The following MACROD2 variants were observed in gnomAD, a reference collection of about 807,000 sequenced individuals.
MACROD2 encodes the protein mono-ADP ribosylhydrolase 2.
In MACROD2, 36 loss-of-function variants were observed where a neutral mutation model predicts 70.4. The observed-to-expected ratio is 0.51, with a 90% CI of 0.39 to 0.68. MACROD2 has a LOEUF of 0.68. Ranked by LOEUF, MACROD2 falls within the 30% of genes least tolerant of loss-of-function variation. The pLI, the probability that MACROD2 is intolerant of heterozygous loss-of-function variation, is 0.00. For synonymous variants in MACROD2, 172 were observed against 178.8 expected (o/e 0.96, Z 0.30); for missense variants, 496 against 538.4 (o/e 0.92, Z 0.78).
At chr20:14,601,776 A>G (rs1292871507) in intron 4 of MACROD2, among the ~76,000 whole-genome samples, 1 of 152,062 alleles carries the variant, frequency 6.6e-6, no homozygotes, top group East Asian at 1.9e-4. Context: ...TCTAGGTCAT[A>G]ATGTTTTCTT....
chr20:15,457,055 C>CTTT (rs67567968), intron 7 of MACROD2, among the ~76,000 whole-genome samples: 1 of 132,194 alleles, frequency 7.6e-6, no homozygotes, highest in Non-Finnish European at 1.6e-5. Flanking sequence ...TTCCTTTCTT[C>CTTT]TTTTTTTTTT....
intron 10 of MACROD2, among the ~76,000 whole-genome samples, chr20:15,906,769 T>C (rs1444442078): frequency 6.6e-6 from 1 of 152,212 alleles, no homozygotes; most frequent in Non-Finnish European, 1.5e-5. Context: ...ATTGGTCTGA[T>C]GTTTTCTCAT....
chr20:15,292,602 A>G (rs2146109658), intron 6 of MACROD2, among the ~76,000 whole-genome samples: 1 of 152,328 alleles, frequency 6.6e-6, no homozygotes, highest in South Asian at 2.1e-4. Flanking sequence ...CGTGGCTCAG[A>G]GTCGAAGTGC....
intron 12 of MACROD2, among the ~76,000 whole-genome samples, chr20:15,948,336 A>G (rs2065854136): frequency 7.2e-6 from 1 of 138,104 alleles, no homozygotes; most frequent in Non-Finnish European, 1.5e-5. Flanking sequence ...AGCAACAGCA[A>G]CCCCCTTTGG....
chr20:14,130,501 G>A (rs1423186309), intron 3 of MACROD2, among the ~76,000 whole-genome samples: 3 of 151,926 alleles, frequency 2.0e-5, no homozygotes, highest in Non-Finnish European at 2.9e-5. Flanking sequence ...TCGAGATCAC[G>A]CCACTGCACT....
chr20:15,349,084 A>G (rs1475896617), intron 6 of MACROD2, among the ~76,000 whole-genome samples: 1 of 152,194 alleles, frequency 6.6e-6, no homozygotes, highest in Non-Finnish European at 1.5e-5. Context: ...GGAGAATTTT[A>G]GCATGCACCC....
chr20:14,137,126 C>T (rs2054809087), intron 3 of MACROD2, among the ~76,000 whole-genome samples: 1 of 152,194 alleles, frequency 6.6e-6, no homozygotes, highest in Admixed American at 6.5e-5. Flanking sequence ...AGACGTTCTA[C>T]ACAGTTGAAA....
intron 3 of MACROD2, among the ~76,000 whole-genome samples, chr20:14,241,561 T>C (rs768632004): frequency 3.9e-5 from 6 of 152,104 alleles, no homozygotes; most frequent in African/African-American, 9.7e-5. Flanking sequence ...CATATATGTA[T>C]ATATATGTAA....
At chr20:15,111,933 G>A (rs990744501) in intron 5 of MACROD2, among the ~76,000 whole-genome samples, 1 of 152,182 alleles carries the variant, frequency 6.6e-6, no homozygotes, top group Non-Finnish European at 1.5e-5. Context: ...TGAAAACTCA[G>A]AGATAGCTTC....
chr20:15,125,194 A>C (rs1311538097), intron 5 of MACROD2, among the ~76,000 whole-genome samples: 1 of 152,086 alleles, frequency 6.6e-6, no homozygotes, highest in Non-Finnish European at 1.5e-5. Context: ...CATCGACTGC[A>C]TGGCACTATG....
Position 16,025,534 on chromosome 20 carries a change from G to T in MACROD2, c.1154-15667G>T, listed in dbSNP as rs112272194. On this transcript the variant is annotated intron_variant, in intron 15 of 17. Coordinates refer to ENST00000684519, the MANE Select transcript of MACROD2 (RefSeq NM_001351661.2). ...AAGATGCTTAGCACCCAGGGGTTCT[G>T]GAAGAGTGCTGAGCCACCCAGAGAT... Among the ~76,000 whole-genome samples the T allele has an allele frequency of 3.7e-3, 557 of 152,154 alleles. 6 individuals are homozygous for T. Among genetic ancestry groups the T allele is most frequent in the African/African-American group, 0.013 (535 of 41,478 alleles).
chr20:15,978,408 T>C (rs892650559), intron 13 of MACROD2, among the ~76,000 whole-genome samples: 2 of 152,182 alleles, frequency 1.3e-5, no homozygotes, highest in Non-Finnish European at 2.9e-5. Context: ...CACCCTCTTG[T>C]AAATTCCTAT....
chr20:15,964,754 C>G, intron 12 of MACROD2, among the ~76,000 whole-genome samples: 1 of 152,106 alleles, frequency 6.6e-6, no homozygotes. Flanking sequence ...TCTAGGCCTG[C>G]TAAAGGTTAT....
intron 8 of MACROD2, among the ~76,000 whole-genome samples, chr20:15,590,757 T>A (rs937143633): frequency 4.0e-5 from 6 of 151,788 alleles, no homozygotes; most frequent in Non-Finnish European, 8.8e-5. Context: ...TGCATGCCTG[T>A]AATCCCAGCT....
chr20:15,180,574 C>A (rs1379027048), intron 5 of MACROD2, among the ~76,000 whole-genome samples: 1 of 152,202 alleles, frequency 6.6e-6, no homozygotes. Flanking sequence ...TGTCACTGGG[C>A]CTTTGCATGC....
At chr20:14,292,479 AAGGG>A (rs2082394619) in intron 3 of MACROD2, among the ~76,000 whole-genome samples, 1 of 151,860 alleles carries the variant, frequency 6.6e-6, no homozygotes, top group African/African-American at 2.4e-5. Flanking sequence ...ACCCTGGGTA[AAGGG>A]AGTCTGAGTA....
At chr20:14,790,830 T>C (rs2123801557) in intron 5 of MACROD2, among the ~76,000 whole-genome samples, 1 of 152,206 alleles carries the variant, frequency 6.6e-6, no homozygotes, top group East Asian at 1.9e-4. Context: ...GCTCCACTGG[T>C]TGAAGTTGCC....
At chr20:15,545,356 G>C (rs998273895) in intron 8 of MACROD2, among the ~76,000 whole-genome samples, 40 of 152,216 alleles carry the variant, frequency 2.6e-4, no homozygotes, top group African/African-American at 9.2e-4. Flanking sequence ...TTGATCATCG[G>C]TTGTAATCCC....
intron 10 of MACROD2, among the ~76,000 whole-genome samples, chr20:15,924,537 C>T (rs2065460157): frequency 1.3e-5 from 2 of 152,152 alleles, no homozygotes; most frequent in African/African-American, 4.8e-5. Flanking sequence ...CATCTCTAGC[C>T]TCAGTTTCAC....
Sources: gnomAD v4.1 joint callset for allele counts (sites outside exome capture counted in the v4.1 genomes callset) on GRCh38, gnomAD v4.1.1 for gene constraint, MANE v1.5 for transcripts, NCBI Gene and HGNC (gene_info 2026-07-23, HGNC 2026-07-21) for gene names.